Variants in TAF2 observed in about 807,000 individuals in gnomAD.
TAF2 encodes the protein transcription initiation factor TFIID subunit 2.
A neutral mutation model predicts 138.5 loss-of-function variants in TAF2; 61 were observed. The observed-to-expected ratio is 0.44, with a 90% CI of 0.36 to 0.54. The LOEUF (loss-of-function observed/expected upper bound fraction) is 0.54. TAF2 is among the 20% of genes least tolerant of loss of function. The probability of loss-of-function intolerance (pLI) is 0.00; values close to 1 mark genes in which losing one functional copy is unlikely to be tolerated. For synonymous variants in TAF2, 475 were observed against 469.9 expected (o/e 1.01, Z -0.14); for missense variants, 1,090 against 1,427.9 (o/e 0.76, Z 3.81).
intron 18 of TAF2, among the ~76,000 whole-genome samples, chr8:119,766,776 G>A (rs1393279571): frequency 1.3e-5 from 2 of 151,688 alleles, no homozygotes; most frequent in African/African-American, 2.4e-5. Context: ...AGAGGTTGCT[G>A]TGGGCCGAGA....
intron 25 of TAF2, among the ~76,000 whole-genome samples, chr8:119,737,650 A>T (rs1435537331): frequency 6.6e-6 from 1 of 151,846 alleles, no homozygotes; most frequent in Non-Finnish European, 1.5e-5. Context: ...CTAGGATTAC[A>T]GGTGCGTACC....
chr8:119,762,323 C>T, intron 19 of TAF2, 92 bp downstream of exon 19: 3 of 1,264,188 alleles, frequency 2.4e-6, no homozygotes, highest in Non-Finnish European at 3.3e-6. Context: ...TCTCATTTTA[C>T]TTTACTATAT....
chr8:119,797,859 A>G lies in TAF2; in HGVS notation c.793-13T>C. The G allele has an allele frequency of 6.2e-7, 1 of 1,612,974 alleles. No individual in the cohort carries two copies. Among genetic ancestry groups the G allele is most frequent in the Non-Finnish European group, 8.5e-7 (1 of 1,179,324 alleles). On this transcript the variant is annotated splice_polypyrimidine_tract_variant and intron_variant, in intron 6 of 25. Coordinates refer to ENST00000378164, the MANE Select transcript of TAF2 (RefSeq NM_003184.4). ...AAAAATGAGTAACCTGAAAAGAAGA[A>G]GCAAGGAAGATCATCTAAATGAAAG...
chr8:119,774,811 C>G (rs1822104558), intron 18 of TAF2, among the ~76,000 whole-genome samples: 1 of 152,002 alleles, frequency 6.6e-6, no homozygotes, highest in African/African-American at 2.4e-5. Flanking sequence ...AGATTTGAAC[C>G]TGGTGTTATT....
chr8:119,823,325 C>A (rs1411110590), intron 2 of TAF2, among the ~76,000 whole-genome samples: 1 of 152,168 alleles, frequency 6.6e-6, no homozygotes, highest in East Asian at 1.9e-4. Context: ...TGGGCTGTGT[C>A]CCCACCCTAA....
intron 22 of TAF2, among the ~76,000 whole-genome samples, chr8:119,749,108 T>C (rs563191106): frequency 1.3e-5 from 2 of 152,326 alleles, no homozygotes; most frequent in African/African-American, 4.8e-5. Flanking sequence ...AAAAAATATA[T>C]GTTAATTTTA....
intron 20 of TAF2, among the ~76,000 whole-genome samples, chr8:119,759,313 C>G (rs1286652072): frequency 6.6e-6 from 1 of 151,928 alleles, no homozygotes; most frequent in Non-Finnish European, 1.5e-5. Flanking sequence ...CTGTTATTAC[C>G]CTTTATTTTC....
rs150316992 is a variant in TAF2 at position 119,758,117 on chromosome 8, T to G, written c.2724A>C (p.Gln908His). Residue 908 changes from glutamine to histidine, a missense_variant, in exon 21 of 26, where the codon CAA (glutamine) becomes CAC (histidine). By Grantham distance (24) the Gln-to-His change is conservative. This residue lies in a region of TAF2 where 580 missense variants were observed against 719.6 expected (regional missense o/e 0.81). Transcript: ENST00000378164. ...TKVDRSYEEL[Q>H]WLLNMIQNDP... ...CATTCTGAATCATATTAAGTAGCCA[T>G]TGCAGTTCTTCATAACTTCTGTCCA... is the stretch of plus-strand genomic sequence containing the variant. The G allele has an allele frequency of 5.0e-6, 8 of 1,612,948 alleles. No individual in the cohort carries two copies. The highest frequency in any genetic ancestry group is 5.1e-6 in the Non-Finnish European group (6 of 1,179,574).
chr8:119,813,027 C>T (rs1196419241), intron 3 of TAF2, among the ~76,000 whole-genome samples: 1 of 152,184 alleles, frequency 6.6e-6, no homozygotes, highest in African/African-American at 2.4e-5. Context: ...GTTTTCCACA[C>T]AGCTTGTACT....
intron 17 of TAF2, among the ~76,000 whole-genome samples, chr8:119,778,347 T>G (rs989540652): frequency 1.3e-5 from 2 of 152,194 alleles, no homozygotes; most frequent in African/African-American, 2.4e-5. Flanking sequence ...AAGAGTTCCA[T>G]GACTGCACAT....
intron 9 of TAF2, among the ~76,000 whole-genome samples, chr8:119,794,345 G>A (rs1183672934): frequency 2.7e-5 from 4 of 150,610 alleles, no homozygotes; most frequent in Non-Finnish European, 4.4e-5. Flanking sequence ...GCAGTGAGCC[G>A]AGATTGCGCC....
intron 18 of TAF2, among the ~76,000 whole-genome samples, chr8:119,771,075 A>G (rs1405930103): frequency 6.6e-6 from 1 of 152,164 alleles, no homozygotes; most frequent in Admixed American, 6.5e-5. Context: ...CGTCTCTTAA[A>G]AAAAAAGATA....
In TAF2 at chr8:119,785,189, T is replaced by C. The variant is rs980863030; in HGVS notation, c.1859+12A>G. ...AAGTATTATAACCTTATATTTAAGT[T>C]AACTAACTTACTCCATTGCAGAAAG... On this transcript the variant is annotated intron_variant, in intron 15 of 25. Coordinates refer to ENST00000378164, the MANE Select transcript of TAF2 (RefSeq NM_003184.4). The C allele has an allele frequency of 6.2e-7, 1 of 1,606,192 alleles. No individual in the cohort carries two copies. The highest frequency in any genetic ancestry group is 8.5e-7 in the Non-Finnish European group (1 of 1,173,278).
chr8:119,762,333 T>C, intron 19 of TAF2, 82 bp downstream of exon 19: 1 of 1,372,616 alleles, frequency 7.3e-7, no homozygotes, highest in Non-Finnish European at 1.0e-6. Context: ...CTTTACTATA[T>C]TTCCCAATTT....
chr8:119,753,890 T>G (rs1239633022), intron 22 of TAF2, among the ~76,000 whole-genome samples: 1 of 152,198 alleles, frequency 6.6e-6, no homozygotes. Context: ...GTGCCACATA[T>G]GAACTGTTGA....
At chr8:119,832,339 A>G (rs1826513264) in intron 1 of TAF2, 143 bp downstream of exon 1, 2 of 748,006 alleles carry the variant, frequency 2.7e-6, no homozygotes, top group Admixed American at 4.8e-5. Context: ...TTTTTACCTT[A>G]CAAACACCAT....
At chr8:119,732,474 T>C (rs956378354) in intron 25 of TAF2, among the ~76,000 whole-genome samples, 4 of 152,128 alleles carry the variant, frequency 2.6e-5, no homozygotes, top group African/African-American at 9.7e-5. Flanking sequence ...CTAAGTATTA[T>C]GAAAAAACAA....
chr8:119,793,394 T>C lies in TAF2; in HGVS notation c.1249A>G (p.Ile417Val). The change falls in exon 10 of 26, where the codon ATA (isoleucine) becomes GTA (valine). Residue 417 changes from isoleucine (I) to valine (V), a missense_variant. Around this residue, in one of 3 missense-constraint regions of TAF2, gnomAD observed 504 missense variants for 680.9 expected, o/e 0.74. Transcript: ENST00000378164. Reference protein sequence around the residue: ...LKTGGVLLHPIFGGGKEKDNP... With the variant: ...LKTGGVLLHPVFGGGKEKDNP... ...TCCTTCTCTTTTCCTCCACCAAATA[T>C]GGGATGTAGTAAAACCCCACCAGTT... 1.2e-6 allele frequency: 2 copies of C among 1,613,060 alleles called. No individual in the cohort carries two copies. The highest frequency in any genetic ancestry group is 1.7e-5 in the Admixed American group (1 of 59,998).
intron 18 of TAF2, among the ~76,000 whole-genome samples, chr8:119,773,279 TA>T (rs569854432): frequency 2.7e-5 from 4 of 150,496 alleles, no homozygotes; most frequent in African/African-American, 9.7e-5. Context: ...TCTATTTATG[TA>T]AAAAAAAATA....
Sources: allele counts gnomAD v4.1 joint callset (sites outside exome capture counted in the v4.1 genomes callset), GRCh38; gene constraint gnomAD v4.1.1; regional missense constraint gnomAD v4.1.1; transcripts MANE v1.5; gene names NCBI Gene and HGNC (gene_info 2026-07-23, HGNC 2026-07-21).